The following GAS2 variants were observed in gnomAD, a reference collection of about 807,000 sequenced individuals.
GAS2 encodes growth arrest specific 2.
A neutral mutation model predicts 37.5 loss-of-function variants in GAS2; 20 were observed. The ratio of observed to expected loss-of-function variants is 0.53; its 90% CI spans 0.37 to 0.77. The LOEUF (loss-of-function observed/expected upper bound fraction) is 0.77, where lower values mean the gene tolerates loss of function less well. Ranked by LOEUF, GAS2 falls within the 30% of genes least tolerant of loss-of-function variation. GAS2 has a pLI of 0.00. For synonymous variants in GAS2, 144 were observed against 132.2 expected (o/e 1.09, Z -0.61); for missense variants, 336 against 373.4 (o/e 0.90, Z 0.82).
chr11:22,667,632 C>T (rs7113221), intron 1 of GAS2, among the ~76,000 whole-genome samples: 1,663 of 152,288 alleles, frequency 0.011, 32 homozygotes, highest in African/African-American at 0.038. Context: ...ATTATTTATA[C>T]TGGCAAAATT....
intron 7 of GAS2, among the ~76,000 whole-genome samples, chr11:22,765,432 T>G (rs957773586): frequency 6.6e-6 from 1 of 152,210 alleles, no homozygotes; most frequent in East Asian, 1.9e-4. Context: ...CTTTTTATCC[T>G]ATATTTCTAT....
chr11:22,726,892 A>G (rs1206165487), intron 4 of GAS2, among the ~76,000 whole-genome samples: 1 of 152,128 alleles, frequency 6.6e-6, no homozygotes, highest in East Asian at 1.9e-4. Context: ...GAACGTACAG[A>G]TTACTCATTC....
chr11:22,803,734 T>A (rs1284690025), intron 7 of GAS2, among the ~76,000 whole-genome samples: 1 of 152,134 alleles, frequency 6.6e-6, no homozygotes, highest in Non-Finnish European at 1.5e-5. Flanking sequence ...TTGACCCTGT[T>A]CTGAGTTTGC....
chr11:22,679,723 AG>A (rs570977335), intron 2 of GAS2, among the ~76,000 whole-genome samples: 12 of 152,136 alleles, frequency 7.9e-5, no homozygotes, highest in Admixed American at 1.3e-4. Context: ...CATATTTTAA[AG>A]AAAGGATTAT....
At chr11:22,629,125 T>C (rs1858710351) in intron 1 of GAS2, among the ~76,000 whole-genome samples, 1 of 152,196 alleles carries the variant, frequency 6.6e-6, no homozygotes, top group Non-Finnish European at 1.5e-5. Context: ...TATGCTGTGA[T>C]AAACATATAC....
chr11:22,770,691 A>G (rs1434367722), intron 7 of GAS2, among the ~76,000 whole-genome samples: 2 of 152,224 alleles, frequency 1.3e-5, no homozygotes, highest in Non-Finnish European at 2.9e-5. Context: ...CCAACAGCCA[A>G]CGTAGCCTGT....
At chr11:22,730,857 A>C (rs1316048873) in intron 4 of GAS2, among the ~76,000 whole-genome samples, 1 of 151,792 alleles carries the variant, frequency 6.6e-6, no homozygotes, top group Non-Finnish European at 1.5e-5. Context: ...GTATTAATCA[A>C]TAATCTTCCT....
At chr11:22,711,955 G>C (rs77553851) in intron 3 of GAS2, among the ~76,000 whole-genome samples, 2,295 of 152,128 alleles carry the variant, frequency 0.015, 22 homozygotes, top group Non-Finnish European at 0.024. Context: ...TAATCTCTTG[G>C]GAGCTGTGTG....
chr11:22,715,563 T>C (rs998686861), intron 3 of GAS2, among the ~76,000 whole-genome samples: 17 of 150,960 alleles, frequency 1.1e-4, no homozygotes, highest in African/African-American at 3.9e-4. Context: ...AAGGCTACTA[T>C]GAACAAGTTT....
intron 5 of GAS2, among the ~76,000 whole-genome samples, chr11:22,746,366 C>A: frequency 6.6e-6 from 1 of 152,044 alleles, no homozygotes; most frequent in South Asian, 2.1e-4. Context: ...TAGGTATATA[C>A]CCAAAGGAAA....
intron 3 of GAS2, among the ~76,000 whole-genome samples, chr11:22,697,013 T>A (rs1330677424): frequency 6.6e-6 from 1 of 151,558 alleles, no homozygotes; most frequent in Non-Finnish European, 1.5e-5. Flanking sequence ...CATGAAGTCC[T>A]TGCCCATGCC....
At chr11:22,727,051 A>G (rs752865615) in intron 4 of GAS2, among the ~76,000 whole-genome samples, 14 of 152,118 alleles carry the variant, frequency 9.2e-5, no homozygotes, top group Non-Finnish European at 1.5e-4. Flanking sequence ...GATTGAATTT[A>G]GGCAAAGTCA....
chr11:22,674,353 C>CA (rs1220022553), intron 1 of GAS2, among the ~76,000 whole-genome samples: 24 of 151,802 alleles, frequency 1.6e-4, no homozygotes, highest in African/African-American at 5.6e-4. Flanking sequence ...TGGCCGTCTC[C>CA]AAAAAAGAAG....
At position 22,685,676 on chromosome 11, in the gene GAS2, A is replaced by G. The variant is rs566866068; in HGVS notation, c.154A>G (p.Ile52Val). The G allele has an allele frequency of 1.6e-4, 252 of 1,613,102 alleles. 4 individuals carry two copies. The South Asian group carries it at 2.7e-3, about 17-fold the overall frequency. ...TCTTTTTGTTATTTCAGGGAAGGAG[A>G]TTACAGCAGAAACTTTTATGGAGAA... Reference protein sequence around the residue: ...LWLTNLLGKEITAETFMEKLD... With the variant: ...LWLTNLLGKEVTAETFMEKLD... Residue 52 changes from isoleucine (I) to valine (V), a missense_variant, in exon 3 of 8, where the codon ATT (isoleucine) becomes GTT (valine). By Grantham distance (29) the Ile-to-Val change is conservative (BLOSUM62 3). Transcript: ENST00000454584.
intron 3 of GAS2, among the ~76,000 whole-genome samples, chr11:22,705,257 G>T (rs547065878): frequency 2.0e-5 from 3 of 152,200 alleles, no homozygotes; most frequent in Non-Finnish European, 4.4e-5. Flanking sequence ...TGACGAGTAG[G>T]TCCCATCCAC....
intron 1 of GAS2, among the ~76,000 whole-genome samples, chr11:22,651,581 C>G (rs918105752): frequency 2.0e-5 from 3 of 152,170 alleles, no homozygotes; most frequent in Non-Finnish European, 4.4e-5. Flanking sequence ...TTGGTCTTTC[C>G]ACATAGTCCC....
At chr11:22,697,125 G>A (rs1358621255) in intron 3 of GAS2, among the ~76,000 whole-genome samples, 1 of 152,188 alleles carries the variant, frequency 6.6e-6, no homozygotes, top group Non-Finnish European at 1.5e-5. Flanking sequence ...TTTGTGTAAG[G>A]TGTAAGGAAG....
At chr11:22,636,544 T>C (rs771718549) in intron 1 of GAS2, among the ~76,000 whole-genome samples, 13 of 152,148 alleles carry the variant, frequency 8.5e-5, no homozygotes, top group Non-Finnish European at 1.5e-4. Context: ...ATCATGTTAA[T>C]TCAATCCCCT....
At position 22,755,100 on chromosome 11, in the gene GAS2, T is replaced by C. The variant is rs569584288; in HGVS notation, c.616-746T>C. On this transcript the variant is annotated intron_variant, in intron 6 of 7. Transcript: ENST00000454584. ...GGACTATTATATTATCATCTAGTAA[T>C]CACAACTATTCATAAGCTTTATGCA... Among the ~76,000 whole-genome samples, 13 of 152,254 alleles carry C rather than the reference T, an allele frequency of 8.5e-5. No homozygotes were observed. In the South Asian group the frequency reaches 2.3e-3, roughly 27 times the overall value.
Sources: allele counts gnomAD v4.1 joint callset (sites outside exome capture counted in the v4.1 genomes callset), GRCh38; gene constraint gnomAD v4.1.1; transcripts MANE v1.5; gene names NCBI Gene and HGNC (gene_info 2026-07-23, HGNC 2026-07-21).